L3MBTL3: variants seen among roughly 807,000 people sequenced by gnomAD.
L3MBTL3 encodes lethal(3)malignant brain tumor-like protein 3.
L3MBTL3 carries 27 observed loss-of-function variants against 102.3 expected under a neutral mutation model. That is an observed-to-expected ratio of 0.26 (90% CI 0.19 to 0.36). The LOEUF is 0.36. Among genes scored for constraint, L3MBTL3 ranks in the 10% least tolerant of loss-of-function variants. The pLI is 1.00. For missense variants in L3MBTL3, 798 were observed against 955.3 expected, an observed-to-expected ratio of 0.84 and a Z score of 2.17; for synonymous variants, 340 against 320.9, an observed-to-expected ratio of 1.06 and a Z score of -0.64.
intron 3 of L3MBTL3, 99 bp downstream of exon 3, chr6:130,042,900 A>G (rs1780513087): frequency 1.3e-6 from 1 of 786,544 alleles, no homozygotes; most frequent in Non-Finnish European, 2.2e-6. Context: ...AAAAGCATTA[A>G]TCATAGTGGT....
At chr6:130,132,233 T>C (rs546632756) in intron 20 of L3MBTL3, among the ~76,000 whole-genome samples, 1 of 152,120 alleles carries the variant, frequency 6.6e-6, no homozygotes, top group Non-Finnish European at 1.5e-5. Context: ...CTCAGAAACA[T>C]GCTGTTTAGA....
At chr6:130,065,935 C>T (rs895805677) in intron 10 of L3MBTL3, among the ~76,000 whole-genome samples, 2 of 152,072 alleles carry the variant, frequency 1.3e-5, no homozygotes, top group Non-Finnish European at 2.9e-5. Context: ...GCATATGCAC[C>T]AGCTGTGGTC....
rs757922602 is a variant in L3MBTL3 at position 130,120,927 on chromosome 6, A to C, written c.1935A>C (p.Glu645Asp). Residue 645 changes from glutamate (E) to aspartate (D), a missense_variant, in exon 20 of 23, where the codon GAA becomes GAC. Around this residue, in one of 4 missense-constraint regions of L3MBTL3, gnomAD observed 306 missense variants for 314.4 expected, o/e 0.97. Coordinates refer to ENST00000361794, the MANE Select transcript of L3MBTL3 (RefSeq NM_032438.4). ...DVKEDFEERTESEMRTSHEAR... is the reference protein window; with the variant it reads ...DVKEDFEERTDSEMRTSHEAR... Reference sequence around the variant, plus strand: ...AAGAAGACTTTGAAGAGAGAACAGAAAGTGAAATGAGAACATCACATGAAG... The same window carrying C: ...AAGAAGACTTTGAAGAGAGAACAGACAGTGAAATGAGAACATCACATGAAG... The C allele has an allele frequency of 1.8e-5, 29 of 1,612,764 alleles. No individual in the cohort carries two copies. The highest frequency in any genetic ancestry group is 1.2e-4 in the Admixed American group (7 of 59,912).
At chr6:130,130,117 A>G (rs1354145580) in intron 20 of L3MBTL3, among the ~76,000 whole-genome samples, 2 of 152,130 alleles carry the variant, frequency 1.3e-5, no homozygotes, top group Non-Finnish European at 2.9e-5. Flanking sequence ...ATCTAGGCCT[A>G]TTTATCGTAT....
intron 19 of L3MBTL3, among the ~76,000 whole-genome samples, chr6:130,118,893 G>C (rs1228547380): frequency 6.6e-6 from 1 of 152,104 alleles, no homozygotes; most frequent in Non-Finnish European, 1.5e-5. Context: ...TTCTATCTCT[G>C]TTCCCTCTTG....
In L3MBTL3 at chr6:130,075,148, G is replaced by C. The variant is rs997966733; in HGVS notation, c.1245-3410G>C. Among the ~76,000 whole-genome samples, 35 of 152,222 alleles carry C rather than the reference G, an allele frequency of 2.3e-4. 1 individual carries two copies. Among genetic ancestry groups the C allele is most frequent in the African/African-American group, 7.7e-4 (32 of 41,546 alleles). Reference sequence around the variant, plus strand: ...TGGGCTGTTCTGAACTTCAACTCTGGGGGGCTCATGGTCTGGGGAAGGAGA... The same window carrying C: ...TGGGCTGTTCTGAACTTCAACTCTGCGGGGCTCATGGTCTGGGGAAGGAGA... On this transcript the variant is annotated intron_variant, in intron 13 of 22. Transcript: ENST00000361794.
At chr6:130,068,066 G>A (rs12197047) in intron 11 of L3MBTL3, among the ~76,000 whole-genome samples, 80,562 of 151,992 alleles carry the variant, frequency 0.53, 24,763 homozygotes, top group Non-Finnish European at 0.68. Context: ...CTGATAATAA[G>A]TGTCCTGGGT....
In L3MBTL3 at chr6:130,052,166, C is replaced by T. The variant is rs1313674621; in HGVS notation, c.450-693C>T. Reference sequence around the variant, plus strand: ...CTGTCGCCAGGCTGGAGTGCAGTGGCGTGATCTTGGCTCACTGCAACCTCC... The same window carrying T: ...CTGTCGCCAGGCTGGAGTGCAGTGGTGTGATCTTGGCTCACTGCAACCTCC... On this transcript the variant is annotated intron_variant, in intron 6 of 22. Coordinates refer to ENST00000361794, the MANE Select transcript of L3MBTL3 (RefSeq NM_032438.4). Among the ~76,000 whole-genome samples the T allele has an allele frequency of 4.6e-5, 7 of 151,032 alleles. No homozygotes were observed. In the East Asian group the frequency reaches 5.9e-4, roughly 13 times the overall value.
intron 20 of L3MBTL3, among the ~76,000 whole-genome samples, chr6:130,132,758 A>G (rs1787198235): frequency 1.3e-5 from 2 of 149,044 alleles, no homozygotes; most frequent in African/African-American, 5.1e-5. Flanking sequence ...TAAATAGAAT[A>G]TTCAGTAGGG....
Position 130,053,001 on chromosome 6 carries a change from T to C in L3MBTL3, c.582+10T>C, listed in dbSNP as rs1243035217. The C allele has an allele frequency of 1.3e-6, 2 of 1,598,146 alleles. No individual in the cohort carries two copies. The highest frequency in any genetic ancestry group is 3.3e-5 in the Admixed American group (2 of 59,958). On this transcript the variant is annotated intron_variant, in intron 7 of 22. Transcript: ENST00000361794. ...GAGAGATGATGAAATGGTGAGTGCC[T>C]CTGCCTGACACCAGGAGCACAGGGA...
intron 2 of L3MBTL3, among the ~76,000 whole-genome samples, chr6:130,026,404 C>G (rs1779349533): frequency 6.6e-6 from 1 of 152,044 alleles, no homozygotes; most frequent in Non-Finnish European, 1.5e-5. Flanking sequence ...ATGATACTGG[C>G]ATATGATTGA....
intron 11 of L3MBTL3, among the ~76,000 whole-genome samples, chr6:130,066,695 A>G (rs1217707559): frequency 6.6e-6 from 1 of 152,168 alleles, no homozygotes; most frequent in Non-Finnish European, 1.5e-5. Context: ...TCATATGCTT[A>G]TTTTCATGTA....
chr6:130,120,170 A>G (rs6901414), intron 19 of L3MBTL3, among the ~76,000 whole-genome samples: 66,080 of 152,028 alleles, frequency 0.43, 16,520 homozygotes, highest in East Asian at 0.75. Flanking sequence ...AACCCTGAGA[A>G]TGGAATACAT....
intron 19 of L3MBTL3, among the ~76,000 whole-genome samples, chr6:130,112,145 G>A (rs9321208): frequency 0.23 from 34,807 of 152,102 alleles, 5,115 homozygotes; most frequent in Non-Finnish European, 0.33. Context: ...TTCATTACAT[G>A]CTTTCTCATC....
At chr6:130,070,906 C>T in intron 12 of L3MBTL3, 70 bp from the exon 13 acceptor site, 3 of 1,199,792 alleles carry the variant, frequency 2.5e-6, no homozygotes, top group Non-Finnish European at 3.5e-6. Flanking sequence ...GCAGGAGGTG[C>T]AGAGAGTGTG....
At chr6:130,050,252 C>A (rs1781010993) in intron 5 of L3MBTL3, among the ~76,000 whole-genome samples, 1 of 152,230 alleles carries the variant, frequency 6.6e-6, no homozygotes, top group African/African-American at 2.4e-5. Context: ...GCAGAACATA[C>A]AAAGATCTGG....
intron 3 of L3MBTL3, 86 bp from the exon 4 acceptor site, chr6:130,049,196 T>C (rs1780924984): frequency 1.3e-6 from 1 of 745,412 alleles, no homozygotes; most frequent in South Asian, 1.7e-5. Context: ...TTAATTTGCT[T>C]GAAGACTATA....
intron 15 of L3MBTL3, among the ~76,000 whole-genome samples, chr6:130,085,745 C>A (rs967164695): frequency 6.6e-6 from 1 of 151,868 alleles, no homozygotes; most frequent in Non-Finnish European, 1.5e-5. Context: ...CTAAATAGCC[C>A]AGCTATTTCT....
chr6:130,056,970 ACCTAAAAAT>A (rs541874129), intron 8 of L3MBTL3, among the ~76,000 whole-genome samples: 50 of 152,198 alleles, frequency 3.3e-4, no homozygotes, highest in African/African-American at 1.1e-3. Flanking sequence ...TTCTTTTTGC[ACCTAAAAAT>A]CTGCTTCTCA....
Sources: gnomAD v4.1 joint callset for allele counts (sites outside exome capture counted in the v4.1 genomes callset) on GRCh38, gnomAD v4.1.1 for gene constraint, gnomAD v4.1.1 regional missense constraint, MANE v1.5 for transcripts, NCBI Gene and HGNC (gene_info 2026-07-23, HGNC 2026-07-21) for gene names.